The following CAST variants were observed in gnomAD, a reference collection of about 807,000 sequenced individuals.
CAST encodes MIR583 host.
CAST carries 76 observed loss-of-function variants against 119.6 expected under a neutral mutation model. The ratio of observed to expected loss-of-function variants is 0.64; its 90% CI spans 0.53 to 0.77. The LOEUF (loss-of-function observed/expected upper bound fraction) is 0.77, where lower values mean the gene tolerates loss of function less well. CAST is among the 30% of genes least tolerant of loss of function. The pLI, the probability that CAST is intolerant of heterozygous loss-of-function variation, is 0.00. For synonymous variants in CAST, 319 were observed against 331.6 expected, an observed-to-expected ratio of 0.96 and a Z score of 0.41; for missense variants, 953 against 946.5, an observed-to-expected ratio of 1.01 and a Z score of -0.09.
the CAST span, among the ~76,000 whole-genome samples, chr5:96,358,530 G>A: frequency 6.6e-6 from 1 of 152,052 alleles, no homozygotes; most frequent in African/African-American, 2.4e-5. Context: ...GGTACGTTGT[G>A]TTTTTGTTCT....
chr5:96,589,110 A>AATAAG (rs10637620), intron 1 of CAST, among the ~76,000 whole-genome samples: 63,036 of 151,586 alleles, frequency 0.42, 14,114 homozygotes, highest in East Asian at 0.66. Context: ...TCATTCAGAA[A>AATAAG]ATGATTTAAT....
At chr5:96,151,876 A>G in the CAST span, among the ~76,000 whole-genome samples, 1 of 152,228 alleles carries the variant, frequency 6.6e-6, no homozygotes, top group African/African-American at 2.4e-5. Flanking sequence ...TCTAAAGGCT[A>G]TAAAGAGCAA....
chr5:96,704,057 C>G (rs990987755), intron 3 of CAST, among the ~76,000 whole-genome samples: 1 of 152,110 alleles, frequency 6.6e-6, no homozygotes, highest in African/African-American at 2.4e-5. Context: ...TCTTGCTGAA[C>G]AAGGAAAGGC....
At chr5:96,602,934 G>A (rs1431778447) in intron 1 of CAST, among the ~76,000 whole-genome samples, 2 of 152,166 alleles carry the variant, frequency 1.3e-5, no homozygotes, top group Non-Finnish European at 2.9e-5. Context: ...CAAATGCAAA[G>A]GCCTGGAAGA....
chr5:96,291,843 CGTGTGTGTGTGTGTGTGTGTGT>C, the CAST span, among the ~76,000 whole-genome samples: 4 of 132,968 alleles, frequency 3.0e-5, no homozygotes, highest in Admixed American at 1.5e-4. Flanking sequence ...TCCCAGTCTG[CGTGTGTGTGTGTGTGTGTGTGT>C]GTGTGTGTGT....
chr5:96,733,880 AAAAAT>A (rs1163787106), intron 9 of CAST, among the ~76,000 whole-genome samples: 2 of 152,202 alleles, frequency 1.3e-5, no homozygotes, highest in East Asian at 3.8e-4. Flanking sequence ...ACTGTCTCAA[AAAAAT>A]AAAATAAAAA....
At chr5:96,091,583 G>C in the CAST span, among the ~76,000 whole-genome samples, 2 of 145,776 alleles carry the variant, frequency 1.4e-5, no homozygotes, top group South Asian at 4.3e-4. Flanking sequence ...AGGGCTCACT[G>C]TAGCTTTGCC....
At chr5:95,978,136 T>C in the CAST span, among the ~76,000 whole-genome samples, 7 of 152,318 alleles carry the variant, frequency 4.6e-5, no homozygotes, top group Admixed American at 3.9e-4. Flanking sequence ...TATGATAGAA[T>C]GATTTATATT....
At chr5:96,380,199 A>G in the CAST span, among the ~76,000 whole-genome samples, 4 of 152,160 alleles carry the variant, frequency 2.6e-5, no homozygotes, top group East Asian at 5.8e-4. Context: ...TTGATGGTAC[A>G]AAAGCTATTG....
At chr5:95,972,213 G>C in the CAST span, among the ~76,000 whole-genome samples, 1 of 152,078 alleles carries the variant, frequency 6.6e-6, no homozygotes, top group African/African-American at 2.4e-5. Context: ...GGGTTTACAG[G>C]TGTGAGCCAC....
At chr5:96,108,053 G>A in the CAST span, among the ~76,000 whole-genome samples, 13 of 151,508 alleles carry the variant, frequency 8.6e-5, no homozygotes, top group Non-Finnish European at 1.5e-4. Context: ...CGTAGTTCTC[G>A]AGCCTTGGTT....
At chr5:96,400,909 A>G in the CAST span, among the ~76,000 whole-genome samples, 933 of 151,400 alleles carry the variant, frequency 6.2e-3, 10 homozygotes, top group African/African-American at 0.021. Context: ...AACACGGTGA[A>G]ACCCCGTCTC....
At chr5:96,009,558 G>A in the CAST span, among the ~76,000 whole-genome samples, 1 of 152,076 alleles carries the variant, frequency 6.6e-6, no homozygotes, top group Admixed American at 6.6e-5. Context: ...AGTGATGGGA[G>A]CATTTTTTTC....
At chr5:96,701,777 C>G (rs1010502803) in intron 3 of CAST, among the ~76,000 whole-genome samples, 1 of 150,576 alleles carries the variant, frequency 6.6e-6, no homozygotes, top group Non-Finnish European at 1.5e-5. Flanking sequence ...TGCACTCCAG[C>G]CTGGGCCACA....
chr5:96,683,376 A>G (rs1463539819), intron 2 of CAST, among the ~76,000 whole-genome samples: 3 of 152,228 alleles, frequency 2.0e-5, no homozygotes, highest in African/African-American at 7.2e-5. Flanking sequence ...AGAAAATGAA[A>G]AAATAGAAAC....
chr5:96,479,629 G>C, the CAST span, among the ~76,000 whole-genome samples: 1 of 151,916 alleles, frequency 6.6e-6, no homozygotes, highest in Non-Finnish European at 1.5e-5. Flanking sequence ...TTTGTGTTTT[G>C]AGTAGGGACG....
the CAST span, among the ~76,000 whole-genome samples, chr5:96,405,079 T>G: frequency 6.6e-6 from 1 of 152,162 alleles, no homozygotes; most frequent in African/African-American, 2.4e-5. Flanking sequence ...GCATTCAGCT[T>G]TGGTATAGAC....
the CAST span, among the ~76,000 whole-genome samples, chr5:96,246,245 C>T: frequency 5.8e-5 from 7 of 120,006 alleles, no homozygotes; most frequent in Non-Finnish European, 9.7e-5. Context: ...TGCAGTGGCA[C>T]GATCTCGGCT....
At chr5:96,172,929 T>C in the CAST span, among the ~76,000 whole-genome samples, 1 of 152,346 alleles carries the variant, frequency 6.6e-6, no homozygotes, top group African/African-American at 2.4e-5. Flanking sequence ...ATGCCAAGAT[T>C]TCTACCATGG....
Sources: gnomAD v4.1 joint callset for allele counts (sites outside exome capture counted in the v4.1 genomes callset) on GRCh38, gnomAD v4.1.1 for gene constraint, MANE v1.5 for transcripts, NCBI Gene and HGNC (gene_info 2026-07-23, HGNC 2026-07-21) for gene names.